The following ARL10 variants were observed in gnomAD, a reference collection of about 807,000 sequenced individuals.
The protein encoded by ARL10 is ARF like GTPase 10, also known as ADP-ribosylation factor-like protein 10.
ARL10 carries 23 observed loss-of-function variants against 26.1 expected under a neutral mutation model. The ratio of observed to expected loss-of-function variants is 0.88; its 90% CI spans 0.63 to 1.25. The LOEUF (loss-of-function observed/expected upper bound fraction) is 1.25. Among genes scored for constraint, ARL10 ranks in the 50% most tolerant of loss-of-function variants. The pLI, the probability that ARL10 is intolerant of heterozygous loss-of-function variation, is 0.00. For missense variants in ARL10, 300 were observed against 323.6 expected, an observed-to-expected ratio of 0.93 and a Z score of 0.56; for synonymous variants, 138 against 149.1, an observed-to-expected ratio of 0.93 and a Z score of 0.54.
At chr5:176,403,192 G>A (rs111996618), downstream of ARL10, among the ~76,000 whole-genome samples, 6 of 151,768 alleles carry the variant, frequency 4.0e-5, no homozygotes, top group African/African-American at 1.5e-4. Flanking sequence ...TGGGATTACA[G>A]GCATCTGCCA....
intron 1 of ARL10, among the ~76,000 whole-genome samples, chr5:176,397,171 TG>T (rs1319684564): frequency 6.6e-6 from 1 of 152,152 alleles, no homozygotes; most frequent in Admixed American, 6.5e-5. Context: ...CCCCAGAGCC[TG>T]GCATGCAGCA....
the ARL10 span, among the ~76,000 whole-genome samples, chr5:176,411,064 C>T: frequency 1.3e-5 from 2 of 152,384 alleles, no homozygotes; most frequent in South Asian, 2.1e-4. Flanking sequence ...TAGGGGCAAA[C>T]ACCTGGGAAG....
intron 1 of ARL10, 26 bp downstream of exon 1, chr5:176,365,772 A>G: frequency 8.1e-7 from 1 of 1,232,922 alleles, no homozygotes; most frequent in Non-Finnish European, 1.0e-6. Flanking sequence ...AGGCCTGCGG[A>G]AGGGCGGGCA....
rs1396387417 is a variant in ARL10, at chr5:176,375,247, T to C, written c.*3352T>C. 1.2e-4 allele frequency: 14 copies of C among 119,036 alleles called. No homozygotes were observed. Among genetic ancestry groups the C allele is most frequent in the African/African-American group, 1.3e-4 (4 of 30,830 alleles). The allele number at this position is 119,036 out of a possible 1,614,324, so 7.4% of individuals were successfully genotyped here. On this transcript the variant is annotated 3_prime_UTR_variant, in exon 4 of 4. Transcript: ENST00000310389. ...ACCCATCCATCCATCCATCCATCCA[T>C]CCTTCCATCCATCCACCCATCCACC...
intron 1 of ARL10, among the ~76,000 whole-genome samples, chr5:176,394,193 ATCCTCGGAGCTG>A (rs1158718247): frequency 6.6e-6 from 1 of 152,226 alleles, no homozygotes; most frequent in Non-Finnish European, 1.5e-5. Context: ...GAGGGGAGCT[ATCCTCGGAGCTG>A]TCCCTTCAGG....
downstream of ARL10, chr5:176,388,786 A>C (rs3172920): frequency 0.087 from 139,684 of 1,602,308 alleles, 6,782 homozygotes; most frequent in African/African-American, 0.14. Flanking sequence ...CTGAGGTCGG[A>C]GTCCCGATTT....
downstream of ARL10, among the ~76,000 whole-genome samples, chr5:176,403,145 G>A (rs1756911550): frequency 6.6e-6 from 1 of 151,692 alleles, no homozygotes; most frequent in Non-Finnish European, 1.5e-5. Context: ...GGCCTCCTGG[G>A]TTCAAGCGAT....
At chr5:176,397,366 CTCCCTCTCATGTCCCCACAGCT>C in intron 1 of ARL10, among the ~76,000 whole-genome samples, 2 of 140,100 alleles carry the variant, frequency 1.4e-5, no homozygotes, top group Non-Finnish European at 3.1e-5. Flanking sequence ...GTCCCCACAG[CTCCCTCTCATGTCCCCACAGCT>C]CCCTCTCATG....
chr5:176,390,591 G>A (rs1247982772), downstream of ARL10, among the ~76,000 whole-genome samples: 6 of 151,826 alleles, frequency 4.0e-5, no homozygotes, highest in East Asian at 3.9e-4. Flanking sequence ...CACCACGCCC[G>A]GCTAATTTTT....
chr5:176,412,086 GA>G, the ARL10 span, among the ~76,000 whole-genome samples: 1 of 149,824 alleles, frequency 6.7e-6, no homozygotes, highest in Non-Finnish European at 1.5e-5. Flanking sequence ...TGAGGCAGGA[GA>G]ATGGTGTGAA....
intron 1 of ARL10, among the ~76,000 whole-genome samples, chr5:176,401,280 C>G (rs946035637): frequency 6.6e-6 from 1 of 152,196 alleles, no homozygotes; most frequent in Non-Finnish European, 1.5e-5. Context: ...TCCAGGTGCC[C>G]TATTTTATTT....
downstream of ARL10, among the ~76,000 whole-genome samples, chr5:176,382,755 G>A (rs796119482): frequency 1.7e-4 from 26 of 152,238 alleles, no homozygotes; most frequent in African/African-American, 5.8e-4. Flanking sequence ...GAGCAAGGCC[G>A]TCTCACAAAA....
chr5:176,384,639 A>C, downstream of ARL10: 1 of 483,844 alleles, frequency 2.1e-6, no homozygotes, highest in Non-Finnish European at 3.7e-6. Context: ...CAATAAATTA[A>C]CCATCCTGTG....
downstream of ARL10, among the ~76,000 whole-genome samples, chr5:176,383,594 C>CA (rs904021980): frequency 6.6e-6 from 1 of 152,272 alleles, no homozygotes; most frequent in Non-Finnish European, 1.5e-5. Context: ...GCAGGTCACT[C>CA]AGAGGGCAGG....
the ARL10 span, among the ~76,000 whole-genome samples, chr5:176,413,799 C>T: frequency 3.9e-5 from 6 of 152,238 alleles, no homozygotes; most frequent in Admixed American, 2.0e-4. Context: ...GAGCCGCCAT[C>T]CCTCAACACC....
the ARL10 span, among the ~76,000 whole-genome samples, chr5:176,413,846 G>A: frequency 6.6e-6 from 1 of 152,186 alleles, no homozygotes; most frequent in Non-Finnish European, 1.5e-5. Context: ...GGGCAGCTGA[G>A]CCTTTGCAGA....
intron 1 of ARL10, among the ~76,000 whole-genome samples, chr5:176,394,452 ACT>A (rs1356464709): frequency 1.3e-5 from 2 of 152,126 alleles, no homozygotes; most frequent in East Asian, 1.9e-4. Context: ...CGGGTGGATC[ACT>A]TGAGGTCAGG....
downstream of ARL10, chr5:176,406,564 C>T (rs1437851002): frequency 7.8e-7 from 1 of 1,287,692 alleles, no homozygotes; most frequent in Non-Finnish European, 1.0e-6. Flanking sequence ...AGGATCTGTG[C>T]AGAGGTGGGG....
chr5:176,405,189 C>T (rs1393718995), downstream of ARL10, among the ~76,000 whole-genome samples: 1 of 152,072 alleles, frequency 6.6e-6, no homozygotes, highest in Non-Finnish European at 1.5e-5. Context: ...TCCCTGTCTT[C>T]TATTAGAAGC....
Sources: allele counts gnomAD v4.1 joint callset (sites outside exome capture counted in the v4.1 genomes callset), GRCh38; gene constraint gnomAD v4.1.1; transcripts MANE v1.5; gene names NCBI Gene and HGNC (gene_info 2026-07-23, HGNC 2026-07-21).